XKR4: variants seen among roughly 807,000 people sequenced by gnomAD.
XKR4 encodes the protein XK related 4.
Under a neutral mutation model 53.9 loss-of-function variants are expected in XKR4, and 12 were observed. The observed-to-expected ratio is 0.22, with a 90% CI of 0.14 to 0.36. XKR4 has a LOEUF of 0.36. Ranked by LOEUF, XKR4 falls within the 10% of genes least tolerant of loss-of-function variation. XKR4 has a pLI of 1.00. For missense variants in XKR4, 799 were observed against 859.5 expected (o/e 0.93, Z 0.88); for synonymous variants, 354 against 362.4 (o/e 0.98, Z 0.26).
intron 1 of XKR4, among the ~76,000 whole-genome samples, chr8:55,218,426 C>A (rs2129364944): frequency 6.6e-6 from 1 of 152,260 alleles, no homozygotes; most frequent in African/African-American, 2.4e-5. Flanking sequence ...TGAGGGTTAT[C>A]CACATATCAG....
At chr8:55,464,874 C>T (rs1805733197) in intron 2 of XKR4, among the ~76,000 whole-genome samples, 2 of 152,122 alleles carry the variant, frequency 1.3e-5, no homozygotes, top group Admixed American at 6.6e-5. Flanking sequence ...CATGAGTGAA[C>T]TCCCATTCAC....
intron 1 of XKR4, among the ~76,000 whole-genome samples, chr8:55,285,137 G>A (rs887971356): frequency 4.6e-5 from 7 of 152,156 alleles, no homozygotes; most frequent in African/African-American, 1.7e-4. Context: ...TTTACTACTT[G>A]CTATGTCTTT....
At chr8:55,181,914 T>A (rs991136830) in intron 1 of XKR4, among the ~76,000 whole-genome samples, 2 of 152,212 alleles carry the variant, frequency 1.3e-5, no homozygotes, top group African/African-American at 2.4e-5. Flanking sequence ...TTGATTTCCA[T>A]AATGCTATAT....
chr8:55,248,143 C>T (rs1818314933), intron 1 of XKR4, among the ~76,000 whole-genome samples: 1 of 152,058 alleles, frequency 6.6e-6, no homozygotes, highest in South Asian at 2.1e-4. Context: ...GCGTGAGCCA[C>T]CATGCCCAGC....
At chr8:55,132,301 C>T (rs1816566560) in intron 1 of XKR4, among the ~76,000 whole-genome samples, 1 of 152,160 alleles carries the variant, frequency 6.6e-6, no homozygotes, top group South Asian at 2.1e-4. Context: ...TGCTAATTTT[C>T]CAATCCATGT....
At chr8:55,150,740 T>C (rs756416637) in intron 1 of XKR4, among the ~76,000 whole-genome samples, 4 of 152,152 alleles carry the variant, frequency 2.6e-5, no homozygotes, top group Non-Finnish European at 4.4e-5. Flanking sequence ...GTCACAGCCA[T>C]TTATGTGTTT....
chr8:55,225,875 G>A (rs893669856), intron 1 of XKR4, among the ~76,000 whole-genome samples: 1 of 152,200 alleles, frequency 6.6e-6, no homozygotes, highest in African/African-American at 2.4e-5. Flanking sequence ...GTTTGCTTTT[G>A]TTGAGTAGGA....
At chr8:55,330,945 G>A (rs575055247) in intron 1 of XKR4, among the ~76,000 whole-genome samples, 2 of 151,862 alleles carry the variant, frequency 1.3e-5, no homozygotes, top group African/African-American at 4.8e-5. Flanking sequence ...TTTTTTTATT[G>A]TGGTATATAT....
chr8:55,178,872 C>T (rs1817269350), intron 1 of XKR4, among the ~76,000 whole-genome samples: 1 of 152,172 alleles, frequency 6.6e-6, no homozygotes, highest in Non-Finnish European at 1.5e-5. Context: ...CCCCAACTAC[C>T]TTGGTGTTCC....
intron 1 of XKR4, among the ~76,000 whole-genome samples, chr8:55,116,540 A>T (rs757794739): frequency 6.6e-5 from 10 of 152,206 alleles, no homozygotes; most frequent in Non-Finnish European, 1.5e-4. Context: ...AAGACATGTC[A>T]GTGTCTATAG....
chr8:55,452,399 G>A, intron 2 of XKR4: 1 of 628,770 alleles, frequency 1.6e-6, no homozygotes, highest in South Asian at 1.7e-5. Flanking sequence ...TAGTGAGGAA[G>A]AGGGCGCCCT....
rs1388241178 is a variant in XKR4, at chr8:55,286,000, A to G, written c.807-71678A>G. Among the ~76,000 whole-genome samples the G allele has an allele frequency of 3.3e-5, 5 of 152,368 alleles. No individual in the cohort carries two copies. In the East Asian group the frequency reaches 9.6e-4, roughly 29 times the overall value. ...GCAGGCTCACAGGAATTCTACAGAC[A>G]TCAATTTCTCACCTACTGTGTGTAT... On this transcript the variant is annotated intron_variant, in intron 1 of 2. Transcript: ENST00000327381.
intron 1 of XKR4, among the ~76,000 whole-genome samples, chr8:55,191,768 A>G: frequency 6.9e-6 from 1 of 145,616 alleles, no homozygotes; most frequent in East Asian, 2.0e-4. Flanking sequence ...CTTTAATTTT[A>G]CAATTTTACT....
At chr8:55,453,203 C>G (rs949945710) in intron 2 of XKR4, 1 of 492,282 alleles carries the variant, frequency 2.0e-6, no homozygotes, top group East Asian at 6.1e-5. Flanking sequence ...TACCTTACCC[C>G]TTGGCTCCGC....
At chr8:55,491,107 A>ATC in intron 2 of XKR4, among the ~76,000 whole-genome samples, 1 of 152,264 alleles carries the variant, frequency 6.6e-6, no homozygotes, top group East Asian at 1.9e-4. Flanking sequence ...GAGGTCTAAT[A>ATC]TTCTGTTCTT....
At chr8:55,304,886 G>T (rs1232865552) in intron 1 of XKR4, among the ~76,000 whole-genome samples, 2 of 152,114 alleles carry the variant, frequency 1.3e-5, no homozygotes, top group African/African-American at 4.8e-5. Flanking sequence ...GAGCCTATGT[G>T]CAGACACTTT....
chr8:55,405,952 G>A (rs1804675938), intron 2 of XKR4, among the ~76,000 whole-genome samples: 1 of 152,120 alleles, frequency 6.6e-6, no homozygotes, highest in Non-Finnish European at 1.5e-5. Context: ...GACCCCACAG[G>A]AGTGAGCAGC....
chr8:55,366,676 A>G (rs1803993305), intron 2 of XKR4, among the ~76,000 whole-genome samples: 1 of 152,132 alleles, frequency 6.6e-6, no homozygotes, highest in Non-Finnish European at 1.5e-5. Context: ...ATAAAACAAG[A>G]GCTATTTTAT....
At position 55,527,235 on chromosome 8, in the gene XKR4, A is replaced by G. The variant is rs1280571635; in HGVS notation, c.*3008A>G. 4.6e-5 allele frequency: 7 copies of G among 152,186 alleles called. No individual in the cohort carries two copies. The allele number at this position is 152,186 out of a possible 1,614,324, so 9.4% of individuals were successfully genotyped here. On this transcript the variant is annotated 3_prime_UTR_variant, in exon 3 of 3. Coordinates refer to ENST00000327381, the MANE Select transcript of XKR4 (RefSeq NM_052898.2). ...AGTTTCATTTTTGTATTTATATTTTAATTCTAACATTTCCTTTTCAATCTG... is the reference window on the plus strand; with the variant it reads ...AGTTTCATTTTTGTATTTATATTTTGATTCTAACATTTCCTTTTCAATCTG...
Sources: gnomAD v4.1 joint callset for allele counts (sites outside exome capture counted in the v4.1 genomes callset) on GRCh38, gnomAD v4.1.1 for gene constraint, MANE v1.5 for transcripts, NCBI Gene and HGNC (gene_info 2026-07-23, HGNC 2026-07-21) for gene names.